The following CCNH variants were observed in gnomAD, a reference collection of about 807,000 sequenced individuals.
The protein encoded by CCNH is cyclin H.
In CCNH, 31 loss-of-function variants were observed where a neutral mutation model predicts 41.9. That is an observed-to-expected ratio of 0.74 (90% CI 0.56 to 1.00). The LOEUF is 1.00. Ranked by LOEUF, CCNH falls within the 50% of genes least tolerant of loss-of-function variation. CCNH has a pLI of 0.00. For missense variants in CCNH, 362 were observed against 388.4 expected, an observed-to-expected ratio of 0.93 and a Z score of 0.57; for synonymous variants, 138 against 136.1, an observed-to-expected ratio of 1.01 and a Z score of -0.10.
chr5:87,344,342 CAG>C (rs1462399230), intron 9 of CCNH, among the ~76,000 whole-genome samples: 4 of 152,078 alleles, frequency 2.6e-5, no homozygotes, highest in East Asian at 1.9e-4. Context: ...CCCATAAAAA[CAG>C]AAAAAATAAA....
chr5:87,330,346 T>C (rs1399383292), intron 9 of CCNH, among the ~76,000 whole-genome samples: 1 of 152,112 alleles, frequency 6.6e-6, no homozygotes, highest in Non-Finnish European at 1.5e-5. Flanking sequence ...TTATTACACA[T>C]ATAAGATTAC....
At chr5:87,397,200 T>C (rs1561344266) in intron 7 of CCNH, among the ~76,000 whole-genome samples, 1 of 151,910 alleles carries the variant, frequency 6.6e-6, no homozygotes, top group African/African-American at 2.4e-5. Flanking sequence ...TCTTGCTCTG[T>C]TGCCCAGGCT....
intron 9 of CCNH, among the ~76,000 whole-genome samples, chr5:87,336,536 G>T (rs1268910551): frequency 1.3e-5 from 2 of 151,912 alleles, no homozygotes; most frequent in Admixed American, 6.6e-5. Flanking sequence ...CTGTTTTAGG[G>T]GGGATAACAC....
intron 9 of CCNH, among the ~76,000 whole-genome samples, chr5:87,325,460 T>G (rs1383167556): frequency 6.6e-6 from 1 of 152,364 alleles, no homozygotes; most frequent in East Asian, 1.9e-4. Context: ...CAATTTAGTT[T>G]TAGAAGACAC....
downstream of CCNH, among the ~76,000 whole-genome samples, chr5:87,374,572 C>A (rs1761191909): frequency 6.6e-6 from 1 of 151,086 alleles, no homozygotes; most frequent in African/African-American, 2.4e-5. Flanking sequence ...ATTTACTAAC[C>A]CACAAATACA....
chr5:87,334,889 CT>C (rs1353348896), intron 9 of CCNH, among the ~76,000 whole-genome samples: 180 of 144,650 alleles, frequency 1.2e-3, no homozygotes, highest in Non-Finnish European at 1.4e-3. Context: ...TAGTTTGTTC[CT>C]TTTTTTTTTT....
At chr5:87,374,395 G>A, downstream of CCNH, 1 of 1,335,950 alleles carries the variant, frequency 7.5e-7, no homozygotes, top group Non-Finnish European at 1.0e-6. Flanking sequence ...TTTGGTCTCT[G>A]TATCTAAACC....
At position 87,332,375 on chromosome 5, in the gene CCNH, T is replaced by C. The variant is rs1757667166; in HGVS notation, c.*91-13478A>G. ...CTGTGATGAAGATACTAATAAGTGG[T>C]ATTTTAGTATAAGGATATAGTTACA... On this transcript the variant is annotated intron_variant and NMD_transcript_variant, in intron 9 of 9. Transcript: ENST00000645953. The C allele has an allele frequency of 3.5e-6, 3 of 863,204 alleles. No individual in the cohort carries two copies. The East Asian group carries it at 8.1e-5, about 23-fold the overall frequency. The allele number at this position is 863,204 out of a possible 1,614,324, so 53.5% of individuals were successfully genotyped here.
At chr5:87,378,668 G>A (rs958539382), upstream of CCNH, 27 of 930,652 alleles carry the variant, frequency 2.9e-5, no homozygotes, top group Non-Finnish European at 3.7e-5. Context: ...AGTTACACCT[G>A]TCTGTAATAC....
chr5:87,370,064 G>T (rs1267955310), intron 9 of CCNH, among the ~76,000 whole-genome samples: 2 of 152,028 alleles, frequency 1.3e-5, no homozygotes, highest in Non-Finnish European at 2.9e-5. Flanking sequence ...AAAGTTTTCT[G>T]AAAGAAATGC....
chr5:87,364,336 G>A (rs1333990449), intron 9 of CCNH, among the ~76,000 whole-genome samples: 1 of 152,062 alleles, frequency 6.6e-6, no homozygotes, highest in Non-Finnish European at 1.5e-5. Context: ...GATCACATTA[G>A]TGTTACTTGT....
At chr5:87,395,391 A>G (rs963636874) in intron 7 of CCNH, among the ~76,000 whole-genome samples, 1 of 152,064 alleles carries the variant, frequency 6.6e-6, no homozygotes, top group Non-Finnish European at 1.5e-5. Context: ...AATATAAAAA[A>G]GAACAGTGTT....
intron 8 of CCNH, 68 bp downstream of exon 8, chr5:87,394,970 AAATCTT>A: frequency 6.2e-7 from 1 of 1,602,494 alleles, no homozygotes; most frequent in Non-Finnish European, 8.5e-7. Flanking sequence ...CTTGGAGAAT[AAATCTT>A]AACAGTATAG....
At chr5:87,382,741 T>C (rs1761806677) in intron 9 of CCNH, among the ~76,000 whole-genome samples, 1 of 152,124 alleles carries the variant, frequency 6.6e-6, no homozygotes, top group East Asian at 1.9e-4. Context: ...GCTATTGTTT[T>C]ATAATTTGAC....
chr5:87,387,675 A>C (rs1342676169), downstream of CCNH, among the ~76,000 whole-genome samples: 4 of 152,168 alleles, frequency 2.6e-5, no homozygotes, highest in African/African-American at 9.7e-5. Context: ...ATTCAGTTAA[A>C]AAGACCACCA....
At chr5:87,334,041 TG>T (rs1267000181) in intron 9 of CCNH, among the ~76,000 whole-genome samples, 5 of 152,332 alleles carry the variant, frequency 3.3e-5, no homozygotes, top group South Asian at 2.1e-4. Context: ...CATGTAACTA[TG>T]GGGATCTTTG....
intron 9 of CCNH, among the ~76,000 whole-genome samples, chr5:87,324,250 C>T (rs991382077): frequency 6.6e-6 from 1 of 152,160 alleles, no homozygotes; most frequent in Non-Finnish European, 1.5e-5. Context: ...GGTACTAATA[C>T]TAGCCTCCTG....
intron 9 of CCNH, among the ~76,000 whole-genome samples, chr5:87,355,165 G>T (rs1181921778): frequency 6.6e-6 from 1 of 152,160 alleles, no homozygotes; most frequent in East Asian, 1.9e-4. Context: ...TATTGAAGGT[G>T]CTAAACAACA....
intron 1 of CCNH, among the ~76,000 whole-genome samples, chr5:87,412,060 T>C (rs1445267471): frequency 6.6e-6 from 1 of 152,120 alleles, no homozygotes; most frequent in African/African-American, 2.4e-5. Flanking sequence ...ATCCAACCCA[T>C]TCACCACGAG....
Sources: gnomAD v4.1 joint callset for allele counts (sites outside exome capture counted in the v4.1 genomes callset) on GRCh38, gnomAD v4.1.1 for gene constraint, MANE v1.5 for transcripts, NCBI Gene and HGNC (gene_info 2026-07-23, HGNC 2026-07-21) for gene names.